The following KCNJ4 variants were observed in gnomAD, a reference collection of about 807,000 sequenced individuals.
KCNJ4 encodes inward rectifier potassium channel 4.
KCNJ4 carries 3 observed loss-of-function variants against 25.6 expected under a neutral mutation model. The ratio of observed to expected loss-of-function variants is 0.12; its 90% CI spans 0.05 to 0.30. The LOEUF is 0.30. KCNJ4 is among the 10% of genes least tolerant of loss of function. The probability of loss-of-function intolerance (pLI) is 1.00; values close to 1 mark genes in which losing one functional copy is unlikely to be tolerated. For synonymous variants in KCNJ4, 257 were observed against 283.9 expected, an observed-to-expected ratio of 0.91 and a Z score of 0.95; for missense variants, 286 against 666.8, an observed-to-expected ratio of 0.43 and a Z score of 6.29.
intron 1 of KCNJ4, among the ~76,000 whole-genome samples, chr22:38,446,682 CG>C: frequency 6.6e-6 from 1 of 152,286 alleles, no homozygotes; most frequent in Non-Finnish European, 1.5e-5. Context: ...GGGCCAGGCA[CG>C]GTGGCTCATA....
Position 38,427,770 on chromosome 22 carries a change from G to C in KCNJ4, c.363C>G (p.Phe121Leu), listed in dbSNP as rs373831342. Reference protein sequence around the residue: ...PKPCIMHVNGFLGAFLFSVET... With the variant: ...PKPCIMHVNGLLGAFLFSVET... ...CCACCGAGAACAGGAAGGCACCCAG[G>C]AAGCCGTTCACGTGCATGATGCAGG... Residue 121 changes from phenylalanine to leucine, a missense_variant, in exon 2 of 2, where the codon TTC becomes TTG. By Grantham distance (22) the Phe-to-Leu change is conservative. Around this residue, in one of 11 missense-constraint regions of KCNJ4, gnomAD observed 29 missense variants for 107.7 expected, o/e 0.27. Transcript: ENST00000303592. 1 of 1,609,352 alleles carries C rather than the reference G, an allele frequency of 6.2e-7. No individual in the cohort carries two copies. Among genetic ancestry groups the C allele is most frequent in the African/African-American group, 1.3e-5 (1 of 74,862 alleles).
rs1003770781 is a variant in KCNJ4, at chr22:38,449,233, A to G, written c.-40+5747T>C. Among the ~76,000 whole-genome samples the G allele has an allele frequency of 5.3e-5, 8 of 152,130 alleles. No homozygotes were observed. The highest frequency in any genetic ancestry group is 1.9e-4 in the African/African-American group (8 of 41,444). ...GTACCCACCTCCCTTCAGGTGGCCA[A>G]TGAGGGTCCTGGAGGGGCTGGCACT... On this transcript the variant is annotated intron_variant, in intron 1 of 1. Coordinates refer to ENST00000303592, the MANE Select transcript of KCNJ4 (RefSeq NM_152868.3). The surrounding 1 kb of genome is among the most constrained non-coding windows in gnomAD (Gnocchi z 5.2).
At position 38,427,650 on chromosome 22, in the gene KCNJ4, G is replaced by A. The variant is rs139944552; in HGVS notation, c.483C>T (p.Cys161=). The change falls in exon 2 of 2, where the codon TGC becomes TGT. Residue 161 remains cysteine, a synonymous_variant. Transcript: ENST00000303592. ...TGCCAATCATGAAGGAGTCGATGAC[G>A]CAGCCCACGATGGACTGGACCACCA... is the stretch of plus-strand genomic sequence containing the variant. ...IAVVVQSIVG[C]VIDSFMIGTI... is the part of the protein sequence containing the mutation. The A allele has an allele frequency of 2.1e-4, 331 of 1,613,120 alleles. No homozygotes were observed. In the African/African-American group the frequency reaches 3.7e-3, roughly 18 times the overall value.
At chr22:38,429,501 C>A (rs2093042902) in intron 1 of KCNJ4, among the ~76,000 whole-genome samples, 1 of 152,216 alleles carries the variant, frequency 6.6e-6, no homozygotes, top group Non-Finnish European at 1.5e-5. Flanking sequence ...CTTCATGTAA[C>A]ATGGGCACCA....
At chr22:38,429,562 C>T (rs2093043165) in intron 1 of KCNJ4, among the ~76,000 whole-genome samples, 1 of 152,314 alleles carries the variant, frequency 6.6e-6, no homozygotes, top group South Asian at 2.1e-4. Context: ...TGGGGTAAAG[C>T]CATCACCCTC....
At chr22:38,441,116 G>A (rs1444702234) in intron 1 of KCNJ4, among the ~76,000 whole-genome samples, 2 of 152,102 alleles carry the variant, frequency 1.3e-5, no homozygotes, top group Non-Finnish European at 2.9e-5. Context: ...GGACCGGCCA[G>A]AGAGCAGGAG....
chr22:38,443,097 G>GC lies in KCNJ4; in HGVS notation c.-40+11882dup, dbSNP rs1316364735. ...TTCCTCACCTCCTAGTCTCCCCTCA[G>GC]CCCCCTCCAGAGCTCCTCTGTGCCC... On this transcript the variant is annotated intron_variant, in intron 1 of 1. Coordinates refer to ENST00000303592, the MANE Select transcript of KCNJ4 (RefSeq NM_152868.3). The surrounding 1 kb of genome is among the most constrained non-coding windows in gnomAD (Gnocchi z 4.1). 5.3e-5 allele frequency among the ~76,000 whole-genome samples: 8 copies of GC among 152,070 alleles called. No individual in the cohort carries two copies. The East Asian group carries it at 1.5e-3, about 29-fold the overall frequency.
At chr22:38,452,841 C>T (rs2089418166) in intron 1 of KCNJ4, among the ~76,000 whole-genome samples, 2 of 151,966 alleles carry the variant, frequency 1.3e-5, no homozygotes, top group African/African-American at 4.8e-5. Flanking sequence ...TGGCTTCTCC[C>T]CGGACCCCTT....
In KCNJ4 at chr22:38,426,728, G is replaced by A; in HGVS notation, c.*67C>T. The A allele has an allele frequency of 1.3e-6, 2 of 1,535,488 alleles. No homozygotes were observed. The highest frequency in any genetic ancestry group is 3.8e-5 in the Admixed American group (2 of 52,280). The stretch of plus-strand genomic sequence containing the variant: ...GTTGGCTCTGTCCTGAGTGTGGGAG[G>A]GGGTGTCCTGGCATCCCACCCCCGG... On this transcript the variant is annotated 3_prime_UTR_variant, in exon 2 of 2. Coordinates refer to ENST00000303592, the MANE Select transcript of KCNJ4 (RefSeq NM_152868.3).
chr22:38,432,280 TAAATAAAATA>T (rs754695106), intron 1 of KCNJ4, among the ~76,000 whole-genome samples: 6 of 147,266 alleles, frequency 4.1e-5, no homozygotes, highest in Non-Finnish European at 7.4e-5. Flanking sequence ...AATAAATAAA[TAAATAAAATA>T]AAATAAAATA....
In KCNJ4 at chr22:38,445,743, C is replaced by T. The variant is rs557055540; in HGVS notation, c.-40+9237G>A. On this transcript the variant is annotated intron_variant, in intron 1 of 1. Coordinates refer to ENST00000303592, the MANE Select transcript of KCNJ4 (RefSeq NM_152868.3). ...TCTTTTTAATTTCATTTTCGGAAAA[C>T]AAGTAGTGCAACTCACTAAGTCAAT... 3.1e-4 allele frequency among the ~76,000 whole-genome samples: 47 copies of T among 152,278 alleles called. No individual in the cohort carries two copies. In the South Asian group the frequency reaches 9.5e-3, roughly 31 times the overall value.
At chr22:38,448,299 GGT>G (rs2089389496) in intron 1 of KCNJ4, among the ~76,000 whole-genome samples, 1 of 151,306 alleles carries the variant, frequency 6.6e-6, no homozygotes, top group Non-Finnish European at 1.5e-5. Flanking sequence ...CCGGGTCGCT[GGT>G]GTGTGAGCTT....
rs2089400662 is a variant in KCNJ4 at position 38,449,965 on chromosome 22, C to T, written c.-40+5015G>A. On this transcript the variant is annotated intron_variant, in intron 1 of 1. Transcript: ENST00000303592. This position sits in a 1 kb window ranked among gnomAD's most constrained non-coding sequence, Gnocchi z 5.2. ...CACCCCGTGAGCGCCCGTGTGCGCGCCTGCAGGAGCGCGCGTGTGTGACTC... is the reference window on the plus strand; with the variant it reads ...CACCCCGTGAGCGCCCGTGTGCGCGTCTGCAGGAGCGCGCGTGTGTGACTC... Among the ~76,000 whole-genome samples the T allele has an allele frequency of 6.6e-6, 1 of 152,248 alleles. No homozygotes were observed. Among genetic ancestry groups the T allele is most frequent in the African/African-American group, 2.4e-5 (1 of 41,474 alleles).
chr22:38,444,632 G>A (rs974164810), intron 1 of KCNJ4, among the ~76,000 whole-genome samples: 10 of 152,198 alleles, frequency 6.6e-5, no homozygotes, highest in African/African-American at 2.4e-4. Context: ...GAGGGCATGG[G>A]AGACAGGCCT....
At chr22:38,429,083 C>CAAAAAAAAAA (rs10582408) in intron 1 of KCNJ4, among the ~76,000 whole-genome samples, 8 of 108,814 alleles carry the variant, frequency 7.4e-5, no homozygotes, top group Admixed American at 9.9e-5. Context: ...GACCCCATGT[C>CAAAAAAAAAA]AAAAAAAAAA....
rs56135829 is a variant in KCNJ4, at chr22:38,426,954, C to T, written c.1179G>A (p.Ala393=). 139 of 1,612,478 alleles carry T rather than the reference C, an allele frequency of 8.6e-5. No individual in the cohort carries two copies. Among genetic ancestry groups the T allele is most frequent in the Non-Finnish European group, 1.1e-4 (124 of 1,179,802 alleles). Reference sequence around the variant, plus strand: ...CCAGGCCTGCGGCCACCGCGGCCGCCGCAGCTGCCTCCTCCTCCATCTCCT... The same window carrying T: ...CCAGGCCTGCGGCCACCGCGGCCGCTGCAGCTGCCTCCTCCTCCATCTCCT... The part of the protein sequence containing the change: ...EEEEMEEEAA[A]AAAVAAGLGL... The change falls in exon 2 of 2, where the codon GCG becomes GCA. Residue 393 remains alanine, a synonymous_variant. Transcript: ENST00000303592.
intron 1 of KCNJ4, among the ~76,000 whole-genome samples, chr22:38,432,256 A>AAAATAAATAAATAAAT (rs60276995): frequency 0.035 from 4,966 of 142,622 alleles, 220 homozygotes; most frequent in African/African-American, 0.091. Context: ...ACTCCATCTC[A>AAAATAAATAAATAAAT]AAATAAATAA....
At position 38,427,090 on chromosome 22, in the gene KCNJ4, C is replaced by G; in HGVS notation, c.1043G>C (p.Cys348Ser). ...KTYEVAGTPC[C>S]SARELQESKI... Reference sequence around the variant, plus strand: ...ACTCTCCTGCAGCTCCCGGGCCGAGCAGCAGGGCGTGCCGGCCACCTCGTA... The same window carrying G: ...ACTCTCCTGCAGCTCCCGGGCCGAGGAGCAGGGCGTGCCGGCCACCTCGTA... The change falls in exon 2 of 2, where the codon TGC becomes TCC. Residue 348 changes from cysteine to serine, a missense_variant. Coordinates refer to ENST00000303592, the MANE Select transcript of KCNJ4 (RefSeq NM_152868.3). The G allele has an allele frequency of 6.2e-7, 1 of 1,612,896 alleles. No homozygotes were observed. The highest frequency in any genetic ancestry group is 8.5e-7 in the Non-Finnish European group (1 of 1,179,980).
At chr22:38,450,643 C>T (rs1472782483) in intron 1 of KCNJ4, among the ~76,000 whole-genome samples, 1 of 152,220 alleles carries the variant, frequency 6.6e-6, no homozygotes, top group African/African-American at 2.4e-5. Context: ...CTCACTGGCA[C>T]AGGGGACAGA....
Sources: gnomAD v4.1 joint callset for allele counts (sites outside exome capture counted in the v4.1 genomes callset) on GRCh38, gnomAD v4.1.1 for gene constraint, gnomAD v4.1.1 regional missense constraint, Gnocchi (gnomAD v3.1) non-coding constraint, MANE v1.5 for transcripts, NCBI Gene and HGNC (gene_info 2026-07-23, HGNC 2026-07-21) for gene names.